The following KSR2 variants were observed in gnomAD, a reference collection of about 807,000 sequenced individuals.
KSR2 encodes the protein kinase suppressor of ras 2.
KSR2 carries 25 observed loss-of-function variants against 107.8 expected under a neutral mutation model. The ratio of observed to expected loss-of-function variants is 0.23; its 90% CI spans 0.17 to 0.32. The LOEUF is 0.32. KSR2 is among the 10% of genes least tolerant of loss of function. KSR2 has a pLI of 1.00. For synonymous variants in KSR2, 480 were observed against 507.0 expected (o/e 0.95, Z 0.71); for missense variants, 887 against 1,268.9 (o/e 0.70, Z 4.57).
intron 3 of KSR2, among the ~76,000 whole-genome samples, chr12:117,775,192 A>G (rs1338072246): frequency 6.6e-6 from 1 of 152,200 alleles, no homozygotes; most frequent in Non-Finnish European, 1.5e-5. Flanking sequence ...TTGCTGGGTC[A>G]GATGGTAACT....
chr12:117,604,667 G>A (rs560997466), intron 5 of KSR2, among the ~76,000 whole-genome samples: 151 of 152,070 alleles, frequency 9.9e-4, no homozygotes, highest in Admixed American at 5.4e-3. Context: ...AGAGATGCAG[G>A]TAATTGTTAA....
At chr12:117,531,626 T>G in intron 11 of KSR2, 40 bp downstream of exon 11, 1 of 1,583,510 alleles carries the variant, frequency 6.3e-7, no homozygotes. Flanking sequence ...GCAGCGGGGC[T>G]TGTTCAGAAG....
At chr12:117,596,426 C>T (rs1880649411) in intron 5 of KSR2, among the ~76,000 whole-genome samples, 1 of 152,110 alleles carries the variant, frequency 6.6e-6, no homozygotes, top group South Asian at 2.1e-4. Context: ...ACCACATCAC[C>T]AGGCATCTCA....
chr12:117,774,217 C>A (rs113530176), intron 3 of KSR2, among the ~76,000 whole-genome samples: 1 of 152,176 alleles, frequency 6.6e-6, no homozygotes, highest in African/African-American at 2.4e-5. Flanking sequence ...ATAGGACATT[C>A]ATTTTAGCCA....
chr12:117,731,291 G>A (rs1887679479), intron 4 of KSR2, among the ~76,000 whole-genome samples: 1 of 151,218 alleles, frequency 6.6e-6, no homozygotes, highest in Admixed American at 6.6e-5. Flanking sequence ...CGTCTGGGAA[G>A]TGAGGAGCGT....
intron 14 of KSR2, among the ~76,000 whole-genome samples, chr12:117,512,095 T>A (rs2137200511): frequency 1.3e-5 from 2 of 152,334 alleles, no homozygotes; most frequent in African/African-American, 4.8e-5. Context: ...AATTATCAAA[T>A]TACAGGTTGA....
intron 1 of KSR2, among the ~76,000 whole-genome samples, chr12:117,944,094 T>G (rs1209087832): frequency 1.3e-5 from 2 of 152,166 alleles, no homozygotes; most frequent in African/African-American, 2.4e-5. Flanking sequence ...TACCCAGTCT[T>G]GGCCCGGAGC....
chr12:117,779,616 TC>T (rs758659940), intron 3 of KSR2, among the ~76,000 whole-genome samples: 1 of 151,872 alleles, frequency 6.6e-6, no homozygotes, highest in Non-Finnish European at 1.5e-5. Flanking sequence ...GATCATGGAG[TC>T]GGCTTCCCCT....
At chr12:117,787,218 G>A (rs1328679246) in intron 3 of KSR2, among the ~76,000 whole-genome samples, 3 of 152,162 alleles carry the variant, frequency 2.0e-5, no homozygotes, top group Non-Finnish European at 4.4e-5. Flanking sequence ...TGTAAGGTCT[G>A]TGCAGATCAG....
intron 3 of KSR2, among the ~76,000 whole-genome samples, chr12:117,799,413 A>T (rs1390261652): frequency 6.6e-6 from 1 of 152,020 alleles, no homozygotes; most frequent in Non-Finnish European, 1.5e-5. Context: ...GAGGCTGGAG[A>T]ATAGCTTGAA....
chr12:117,513,988 T>C (rs957192634), intron 14 of KSR2, among the ~76,000 whole-genome samples: 4 of 152,214 alleles, frequency 2.6e-5, no homozygotes, highest in African/African-American at 7.2e-5. Context: ...TACAACGTTG[T>C]CTCCCTATGT....
chr12:117,477,796 T>C (rs7133455), intron 16 of KSR2, among the ~76,000 whole-genome samples: 1 of 152,154 alleles, frequency 6.6e-6, no homozygotes, highest in Non-Finnish European at 1.5e-5. Context: ...CTCCTTGCTG[T>C]TGGGCCTTGG....
chr12:117,708,687 C>T (rs1004944200), intron 4 of KSR2, among the ~76,000 whole-genome samples: 50 of 152,282 alleles, frequency 3.3e-4, no homozygotes, highest in African/African-American at 1.0e-3. Context: ...TTCCAGGAGC[C>T]GCCCACATCT....
At chr12:117,766,259 G>C (rs995023762) in intron 3 of KSR2, among the ~76,000 whole-genome samples, 4 of 152,156 alleles carry the variant, frequency 2.6e-5, no homozygotes, top group African/African-American at 9.7e-5. Context: ...GATCCACCTT[G>C]AAAAACACTA....
Position 117,828,667 on chromosome 12 carries a change from C to T in KSR2, c.472+26761G>A, listed in dbSNP as rs560883481. On this transcript the variant is annotated intron_variant, in intron 3 of 19. Transcript: ENST00000339824. ...TACAAGGGTGGACAGCACCCAAGGC[C>T]GACTGGTCTGTATCTTGTTAATTCG... 4.6e-5 allele frequency among the ~76,000 whole-genome samples: 7 copies of T among 152,302 alleles called. No individual in the cohort carries two copies. In the South Asian group the frequency reaches 1.4e-3, roughly 32 times the overall value.
chr12:117,887,214 A>T (rs920056424), intron 1 of KSR2, among the ~76,000 whole-genome samples: 1 of 151,948 alleles, frequency 6.6e-6, no homozygotes, highest in African/African-American at 2.4e-5. Flanking sequence ...CTGAGTCATC[A>T]TGCCCAGCCG....
At chr12:117,858,814 A>T (rs1893185490) in intron 2 of KSR2, among the ~76,000 whole-genome samples, 1 of 152,206 alleles carries the variant, frequency 6.6e-6, no homozygotes, top group African/African-American at 2.4e-5. Context: ...ACTCTGTACA[A>T]GGGGGATAAC....
chr12:117,695,542 CAAAAA>C (rs770628810), intron 4 of KSR2, among the ~76,000 whole-genome samples: 41,497 of 131,502 alleles, frequency 0.32, 5,982 homozygotes, highest in Admixed American at 0.35. Context: ...CCCATTTCTA[CAAAAA>C]AAAAAAAAAA....
intron 3 of KSR2, among the ~76,000 whole-genome samples, chr12:117,854,388 T>G (rs1893029267): frequency 6.6e-6 from 1 of 152,228 alleles, no homozygotes; most frequent in South Asian, 2.1e-4. Context: ...CATGGAGGAC[T>G]GGGCCGATGA....
Sources: allele counts gnomAD v4.1 joint callset (sites outside exome capture counted in the v4.1 genomes callset), GRCh38; gene constraint gnomAD v4.1.1; transcripts MANE v1.5; gene names NCBI Gene and HGNC (gene_info 2026-07-23, HGNC 2026-07-21).